Variants in NEDD4L observed in about 807,000 individuals in gnomAD.
The protein encoded by NEDD4L is NEDD4 like E3 ubiquitin protein ligase, also known as E3 ubiquitin-protein ligase NEDD4-like.
In NEDD4L, 54 loss-of-function variants were observed where a neutral mutation model predicts 148.9. The observed-to-expected ratio is 0.36, with a 90% CI of 0.29 to 0.45. The LOEUF (loss-of-function observed/expected upper bound fraction) is 0.45, where lower values mean the gene tolerates loss of function less well. Ranked by LOEUF, NEDD4L falls within the 20% of genes least tolerant of loss-of-function variation. NEDD4L has a pLI of 1.00. For missense variants in NEDD4L, 856 were observed against 1,233.8 expected, an observed-to-expected ratio of 0.69 and a Z score of 4.59; for synonymous variants, 433 against 440.7, an observed-to-expected ratio of 0.98 and a Z score of 0.22.
chr18:58,299,708 C>T (rs956677177), intron 5 of NEDD4L, among the ~76,000 whole-genome samples: 6 of 152,070 alleles, frequency 3.9e-5, no homozygotes, highest in Non-Finnish European at 7.4e-5. Flanking sequence ...AGTCCTGGTC[C>T]CTTTGGGAGA....
chr18:58,328,846 G>A, intron 9 of NEDD4L, 149 bp from the exon 10 acceptor site: 1 of 758,258 alleles, frequency 1.3e-6, no homozygotes, highest in Non-Finnish European at 2.2e-6. Flanking sequence ...TATGGTGGGA[G>A]AATTCTCACA....
chr18:58,080,086 T>G (rs2083356334), intron 1 of NEDD4L, among the ~76,000 whole-genome samples: 1 of 151,994 alleles, frequency 6.6e-6, no homozygotes, highest in South Asian at 2.1e-4. Context: ...CACCGTGCCT[T>G]GCTAAGTTTT....
At chr18:58,271,187 A>G (rs924683485) in intron 5 of NEDD4L, among the ~76,000 whole-genome samples, 12 of 152,210 alleles carry the variant, frequency 7.9e-5, no homozygotes, top group African/African-American at 2.9e-4. Context: ...AATTAGTATC[A>G]GCAAACACAT....
At chr18:58,179,867 A>C (rs528401994) in intron 2 of NEDD4L, among the ~76,000 whole-genome samples, 2 of 152,122 alleles carry the variant, frequency 1.3e-5, no homozygotes, top group South Asian at 2.1e-4. Context: ...AATAAAGTGC[A>C]CCATAAATGT....
At chr18:58,245,846 ATTTTT>A (rs58940181) in intron 3 of NEDD4L, among the ~76,000 whole-genome samples, 3 of 91,522 alleles carry the variant, frequency 3.3e-5, no homozygotes, top group Admixed American at 1.4e-4. Flanking sequence ...ATGCCTGGCT[ATTTTT>A]TTTTTTTTTT....
intron 2 of NEDD4L, among the ~76,000 whole-genome samples, chr18:58,214,723 T>C (rs771339872): frequency 6.6e-6 from 1 of 151,774 alleles, no homozygotes; most frequent in Non-Finnish European, 1.5e-5. Flanking sequence ...TTTTCTCTAA[T>C]TAATAGATCT....
intron 3 of NEDD4L, among the ~76,000 whole-genome samples, chr18:58,248,161 C>T (rs1185034878): frequency 6.6e-6 from 1 of 152,192 alleles, no homozygotes; most frequent in Non-Finnish European, 1.5e-5. Context: ...TGCATGAACA[C>T]ACATGTACAG....
chr18:58,194,648 G>A (rs1005015), intron 2 of NEDD4L, among the ~76,000 whole-genome samples: 52,676 of 151,852 alleles, frequency 0.35, 10,548 homozygotes, highest in African/African-American at 0.56. Context: ...TTGTTTGACC[G>A]TTGTATGCAA....
intron 5 of NEDD4L, among the ~76,000 whole-genome samples, chr18:58,309,014 C>T (rs908938954): frequency 3.9e-5 from 6 of 152,216 alleles, no homozygotes; most frequent in African/African-American, 1.4e-4. Flanking sequence ...GCGCTGTCCT[C>T]GGCGCTCTCT....
chr18:58,044,658 T>A lies in NEDD4L; in HGVS notation c.-3T>A. 1 of 1,601,014 alleles carries A rather than the reference T, an allele frequency of 6.2e-7. No individual in the cohort carries two copies. The highest frequency in any genetic ancestry group is 8.5e-7 in the Non-Finnish European group (1 of 1,174,292). Reference sequence around the variant, plus strand: ...CTCAGACCCCGCGCGGGGCGCCGGCTCCATGGCGACCGGGCTCGGGGAGCC... The same window carrying A: ...CTCAGACCCCGCGCGGGGCGCCGGCACCATGGCGACCGGGCTCGGGGAGCC... On this transcript the variant is annotated 5_prime_UTR_variant, in exon 1 of 31. Transcript: ENST00000400345.
chr18:58,229,733 T>G (rs1340948035), intron 2 of NEDD4L, among the ~76,000 whole-genome samples: 2 of 152,210 alleles, frequency 1.3e-5, no homozygotes, highest in African/African-American at 4.8e-5. Context: ...GGCTCATGCC[T>G]GTAAGCCCAA....
At chr18:58,289,237 C>T (rs1267813653) in intron 5 of NEDD4L, among the ~76,000 whole-genome samples, 1 of 152,170 alleles carries the variant, frequency 6.6e-6, no homozygotes, top group Non-Finnish European at 1.5e-5. Context: ...GCTCTAACAA[C>T]TGAACGCTCA....
intron 19 of NEDD4L, among the ~76,000 whole-genome samples, chr18:58,363,290 A>T (rs1256439358): frequency 6.6e-6 from 1 of 152,208 alleles, no homozygotes; most frequent in Non-Finnish European, 1.5e-5. Context: ...GAGTCTGGAG[A>T]TACTAGACTA....
intron 2 of NEDD4L, among the ~76,000 whole-genome samples, chr18:58,231,438 C>T (rs776113613): frequency 4.6e-5 from 7 of 151,780 alleles, no homozygotes; most frequent in Non-Finnish European, 1.0e-4. Context: ...CAAAGATTTC[C>T]AAGGCCATGG....
In NEDD4L at chr18:58,256,410, G is replaced by T; in HGVS notation, c.297+4356G>T. 3.2e-6 allele frequency: 4 copies of T among 1,232,362 alleles called. No individual in the cohort carries two copies. Among genetic ancestry groups the T allele is most frequent in the Non-Finnish European group, 3.0e-6 (3 of 988,110 alleles). The allele number at this position is 1,232,362 out of a possible 1,614,324, so 76.3% of individuals were successfully genotyped here. A position where few individuals can be genotyped will look rare whatever the true frequency, so the allele number is the denominator to read the frequency against. ...CCCCAACAAGGCGCTTCGGGGCCAG[G>T]CAGCGACCTCAACTTTGGCTTCACG... is the stretch of plus-strand genomic sequence containing the variant. On this transcript the variant is annotated intron_variant, in intron 5 of 30. Transcript: ENST00000400345. This position sits in a 1 kb window ranked among gnomAD's most constrained non-coding sequence, Gnocchi z 5.2.
intron 1 of NEDD4L, among the ~76,000 whole-genome samples, chr18:58,052,393 A>G (rs1376186780): frequency 6.6e-6 from 1 of 152,182 alleles, no homozygotes; most frequent in Non-Finnish European, 1.5e-5. Context: ...TTAGGTGAGA[A>G]AAGCCTTATT....
At chr18:58,180,896 T>C (rs991367387) in intron 2 of NEDD4L, among the ~76,000 whole-genome samples, 1 of 152,232 alleles carries the variant, frequency 6.6e-6, no homozygotes, top group Non-Finnish European at 1.5e-5. Flanking sequence ...TGTCTATTCC[T>C]TCTCTGGTCT....
intron 5 of NEDD4L, among the ~76,000 whole-genome samples, chr18:58,307,274 TCAGTCTGCGAGGCAGGAAGCACACTAG>T (rs67548422): frequency 0.024 from 3,661 of 152,220 alleles, 129 homozygotes; most frequent in African/African-American, 0.083. Flanking sequence ...TACCTAGGAT[TCAGTCTGCGAGGCAGGAAGCACACTAG>T]CAGGACTCCA....
intron 1 of NEDD4L, among the ~76,000 whole-genome samples, chr18:58,047,866 G>A (rs1042780466): frequency 5.9e-5 from 9 of 152,110 alleles, no homozygotes; most frequent in South Asian, 4.1e-4. Context: ...GAATGTTACC[G>A]CTAACTTTCT....
Sources: allele counts gnomAD v4.1 joint callset (sites outside exome capture counted in the v4.1 genomes callset), GRCh38; gene constraint gnomAD v4.1.1; non-coding constraint Gnocchi (gnomAD v3.1); transcripts MANE v1.5; gene names NCBI Gene and HGNC (gene_info 2026-07-23, HGNC 2026-07-21).